SNAP47: variants seen among roughly 807,000 people sequenced by gnomAD.
SNAP47 encodes the protein synaptosomal-associated protein 47.
SNAP47 carries 20 observed loss-of-function variants against 31.4 expected under a neutral mutation model. The ratio of observed to expected loss-of-function variants is 0.64; its 90% CI spans 0.45 to 0.93. SNAP47 has a LOEUF of 0.93. Ranked by LOEUF, SNAP47 falls within the 40% of genes least tolerant of loss-of-function variation. The pLI, the probability that SNAP47 is intolerant of heterozygous loss-of-function variation, is 0.00. For missense variants in SNAP47, 492 were observed against 528.5 expected, an observed-to-expected ratio of 0.93 and a Z score of 0.68; for synonymous variants, 194 against 213.4, an observed-to-expected ratio of 0.91 and a Z score of 0.79.
upstream of SNAP47, chr1:227,732,446 G>C (rs1476011041): frequency 1.2e-6 from 2 of 1,613,138 alleles, no homozygotes; most frequent in Non-Finnish European, 1.7e-6. Context: ...GCAGCTCTTT[G>C]GGCTGTGGTG....
chr1:227,759,511 G>A (rs770723112), intron 3 of SNAP47, 26 bp downstream of exon 3: 13 of 1,603,046 alleles, frequency 8.1e-6, no homozygotes, highest in African/African-American at 5.4e-5. Flanking sequence ...GGCAGTGAGC[G>A]CGTGCACAGA....
chr1:227,766,960 A>G lies in SNAP47; in HGVS notation c.990A>G (p.Ala330=), dbSNP rs1338035664. The stretch of plus-strand genomic sequence containing the variant: ...GCTGACCATCTGCTCTCCTTGCAGC[A>G]TCTGGGCTGATGGGCCGTACCCTGC... ...AEKSCSVWHA[A]SGLMGRTLHR... is the part of the protein sequence containing the mutation. Residue 330 remains alanine, a splice_region_variant and synonymous_variant, in exon 4 of 5, where the codon GCA becomes GCG. Transcript: ENST00000617596. 4 of 1,613,622 alleles carry G rather than the reference A, an allele frequency of 2.5e-6. No homozygotes were observed. The African/African-American group carries it at 5.3e-5, about 22-fold the overall frequency.
At chr1:227,761,754 A>T (rs536058740) in intron 3 of SNAP47, among the ~76,000 whole-genome samples, 109 of 152,248 alleles carry the variant, frequency 7.2e-4, no homozygotes, top group African/African-American at 2.5e-3. Context: ...AGTTTGTGAC[A>T]TTCTGTGGAG....
At chr1:227,733,963 C>G, upstream of SNAP47, 1 of 1,613,966 alleles carries the variant, frequency 6.2e-7, no homozygotes, top group Non-Finnish European at 8.5e-7. Flanking sequence ...CCAGTGCATC[C>G]CAGAACTCAT....
intron 1 of SNAP47, among the ~76,000 whole-genome samples, chr1:227,744,742 C>A (rs1054808805): frequency 6.6e-6 from 1 of 152,170 alleles, no homozygotes; most frequent in Non-Finnish European, 1.5e-5. Flanking sequence ...AACGGCAGGC[C>A]CTAGGCGCTC....
intron 4 of SNAP47, among the ~76,000 whole-genome samples, chr1:227,778,575 C>G (rs1439673042): frequency 6.6e-6 from 1 of 152,228 alleles, no homozygotes; most frequent in Non-Finnish European, 1.5e-5. Flanking sequence ...CCAGCCATCC[C>G]TTCCAAGGGC....
Position 227,759,310 on chromosome 1 carries a change from G to A in SNAP47, c.813G>A (p.Arg271=). 1.2e-6 allele frequency: 2 copies of A among 1,614,236 alleles called. No homozygotes were observed. The highest frequency in any genetic ancestry group is 1.3e-5 in the African/African-American group (1 of 75,066). Residue 271 remains arginine (R), a synonymous_variant, in exon 3 of 5, where the codon CGG becomes CGA. Transcript: ENST00000617596. ...CTTACGAAATTAGCATCCGCCAGCG[G>A]TTTATTGGAAAGCCAGACATGGCCT... ...HSPYEISIRQ[R]FIGKPDMAYR... is the part of the protein sequence containing the mutation.
At chr1:227,732,716 C>T (rs554248769), upstream of SNAP47, 1 of 1,605,446 alleles carries the variant, frequency 6.2e-7, no homozygotes, top group African/African-American at 1.3e-5. Context: ...ACACCATGGA[C>T]ACAGTCCAAG....
chr1:227,735,494 C>G lies in SNAP47; in HGVS notation c.-51C>G. 7.1e-7 allele frequency: 1 copy of G among 1,410,172 alleles called. No individual in the cohort carries two copies. Among genetic ancestry groups the G allele is most frequent in the African/African-American group, 1.5e-5 (1 of 66,656 alleles). 87.4% of individuals were successfully genotyped at this position (1,410,172 alleles called of 1,614,324 possible). A position where few individuals can be genotyped will look rare whatever the true frequency, so the allele number is the denominator to read the frequency against. ...TCGGCTCTGGGACTCGTCTGGCGTC[C>G]CTCAGGTGAGCGACGGTGTTGGTCT... is the stretch of plus-strand genomic sequence containing the variant. On this transcript the variant is annotated 5_prime_UTR_variant, in exon 1 of 5. Transcript: ENST00000617596.
At chr1:227,756,775 C>G (rs768999098) in intron 2 of SNAP47, among the ~76,000 whole-genome samples, 2 of 152,234 alleles carry the variant, frequency 1.3e-5, no homozygotes, top group African/African-American at 2.4e-5. Flanking sequence ...AACAGCAGCT[C>G]TAGGTGTCTG....
chr1:227,734,976 T>C (rs769246176), upstream of SNAP47: 4 of 1,506,592 alleles, frequency 2.7e-6, no homozygotes, highest in Middle Eastern at 2.4e-4. Flanking sequence ...CCGCCGGCCT[T>C]TCCTCCCCGC....
At chr1:227,742,903 T>C (rs1661706507) in intron 1 of SNAP47, among the ~76,000 whole-genome samples, 1 of 152,218 alleles carries the variant, frequency 6.6e-6, no homozygotes, top group Non-Finnish European at 1.5e-5. Flanking sequence ...TGGGTGGCCT[T>C]GCAGCTGCTG....
At chr1:227,739,054 G>A (rs530465654) in intron 1 of SNAP47, among the ~76,000 whole-genome samples, 1 of 152,318 alleles carries the variant, frequency 6.6e-6, no homozygotes, top group Non-Finnish European at 1.5e-5. Context: ...TCATGGGACT[G>A]GAACATAGGC....
chr1:227,728,373 C>T (rs1446843638), upstream of SNAP47, among the ~76,000 whole-genome samples: 1 of 152,046 alleles, frequency 6.6e-6, no homozygotes, highest in Non-Finnish European at 1.5e-5. Context: ...CCGCTGTGCT[C>T]AGAAGGGACC....
intron 2 of SNAP47, among the ~76,000 whole-genome samples, chr1:227,754,788 G>A (rs1382700456): frequency 1.3e-5 from 2 of 152,168 alleles, no homozygotes; most frequent in Non-Finnish European, 2.9e-5. Context: ...AAATTGAGAG[G>A]ACTAAAACCA....
chr1:227,769,514 G>A (rs936446070), intron 4 of SNAP47, among the ~76,000 whole-genome samples: 9 of 152,012 alleles, frequency 5.9e-5, no homozygotes, highest in Non-Finnish European at 7.4e-5. Flanking sequence ...AAAAATGCAC[G>A]AAACCCCCCT....
intron 4 of SNAP47, among the ~76,000 whole-genome samples, chr1:227,768,515 G>A (rs1663581917): frequency 6.6e-6 from 1 of 152,216 alleles, no homozygotes; most frequent in Non-Finnish European, 1.5e-5. Flanking sequence ...GTCTGTGTAG[G>A]CATAAACTCC....
intron 2 of SNAP47, among the ~76,000 whole-genome samples, chr1:227,748,666 G>A (rs1662140213): frequency 6.6e-6 from 1 of 152,218 alleles, no homozygotes; most frequent in Non-Finnish European, 1.5e-5. Flanking sequence ...GACGGCCTCT[G>A]TTAGTGAGGT....
upstream of SNAP47, chr1:227,735,065 C>A: frequency 1.3e-6 from 2 of 1,559,424 alleles, no homozygotes; most frequent in Non-Finnish European, 1.7e-6. Flanking sequence ...CGTCACCCAG[C>A]GCCGCCGGCT....
Sources: allele counts gnomAD v4.1 joint callset (sites outside exome capture counted in the v4.1 genomes callset), GRCh38; gene constraint gnomAD v4.1.1; transcripts MANE v1.5; gene names NCBI Gene and HGNC (gene_info 2026-07-23, HGNC 2026-07-21).